TBC1D31: variants seen among roughly 807,000 people sequenced by gnomAD.
The protein encoded by TBC1D31 is TBC1 domain family member 31.
A neutral mutation model predicts 132.9 loss-of-function variants in TBC1D31; 99 were observed. The ratio of observed to expected loss-of-function variants is 0.74; its 90% confidence interval spans 0.63 to 0.88. The LOEUF (loss-of-function observed/expected upper bound fraction) is 0.88, where lower values mean the gene tolerates loss of function less well. Among genes scored for constraint, TBC1D31 ranks in the 40% least tolerant of loss-of-function variants. The pLI is 0.00. For synonymous variants in TBC1D31, 385 were observed against 419.4 expected, an observed-to-expected ratio of 0.92 and a Z score of 1.00; for missense variants, 1,134 against 1,256.6, an observed-to-expected ratio of 0.90 and a Z score of 1.48.
chr8:123,138,411 T>C (rs1821306931), intron 17 of TBC1D31, among the ~76,000 whole-genome samples: 1 of 152,176 alleles, frequency 6.6e-6, no homozygotes, highest in South Asian at 2.1e-4. Context: ...ATGCTGTCTA[T>C]AGATGATTAG....
chr8:123,084,949 C>T (rs1371928169), intron 4 of TBC1D31, among the ~76,000 whole-genome samples: 2 of 152,156 alleles, frequency 1.3e-5, no homozygotes, highest in East Asian at 1.9e-4. Context: ...ACCACCATGC[C>T]CAGCTAATTT....
intron 17 of TBC1D31, among the ~76,000 whole-genome samples, chr8:123,135,486 A>T (rs1563746341): frequency 6.6e-6 from 1 of 152,196 alleles, no homozygotes; most frequent in Non-Finnish European, 1.5e-5. Flanking sequence ...CTGTGGTGCC[A>T]GCTATTCAGG....
intron 8 of TBC1D31, 74 bp from the exon 9 acceptor site, chr8:123,109,243 G>A: frequency 9.4e-7 from 1 of 1,064,280 alleles, no homozygotes; most frequent in Non-Finnish European, 1.4e-6. Context: ...AAGTCACTGT[G>A]GACTAGATTA....
intron 10 of TBC1D31, among the ~76,000 whole-genome samples, chr8:123,119,550 G>T (rs539649124): frequency 1.3e-5 from 2 of 152,134 alleles, no homozygotes; most frequent in East Asian, 3.9e-4. Flanking sequence ...GTCTCTACCC[G>T]CAAGAAAGAT....
At position 123,130,335 on chromosome 8, in the gene TBC1D31, TTTATTATTC is replaced by T. The variant is rs1371171663; in HGVS notation, c.2406+6_2406+14del. On this transcript the variant is annotated splice_donor_5th_base_variant and intron_variant, in intron 16 of 21. Coordinates refer to ENST00000287380, the MANE Select transcript of TBC1D31 (RefSeq NM_145647.4). Reference sequence around the variant, plus strand: ...CTGGATGATGAAATTGGGAGAAAGGTTTATTATTCTTAACTTAGTTCTCATACATCATCT... The same window carrying T: ...CTGGATGATGAAATTGGGAGAAAGGTTTAACTTAGTTCTCATACATCATCT... 6.2e-7 allele frequency: 1 copy of T among 1,608,064 alleles called. No individual in the cohort carries two copies. The highest frequency in any genetic ancestry group is 1.3e-5 in the African/African-American group (1 of 74,758).
At position 123,142,514 on chromosome 8, in the gene TBC1D31, A is replaced by T. The variant is rs1419814498; in HGVS notation, c.2835+58A>T. 6.9e-3 allele frequency: 8,172 copies of T among 1,176,988 alleles called. 19 individuals carry two copies. Among genetic ancestry groups the T allele is most frequent in the Middle Eastern group, 0.013 (44 of 3,478 alleles). 72.9% of individuals were successfully genotyped at this position (1,176,988 alleles called of 1,614,324 possible). On this transcript the variant is annotated intron_variant, in intron 19 of 21. Transcript: ENST00000287380. ...AAGCATTGATTTTTTTTTTTTTTTT[A>T]AAAGACAGAGTCTCACTTTGTTGTA...
intron 13 of TBC1D31, 107 bp from the exon 14 acceptor site, chr8:123,128,174 T>A (rs200199314): frequency 3.9e-5 from 14 of 356,492 alleles, no homozygotes; most frequent in South Asian, 1.2e-4. Flanking sequence ...TGCAAAAAAA[T>A]ATATATTCTT....
rs145771929 is a variant in TBC1D31 at position 123,099,188 on chromosome 8, C to T, written c.832-1619C>T. 3.5e-3 allele frequency among the ~76,000 whole-genome samples: 537 copies of T among 152,234 alleles called. 10 individuals carry two copies. The highest frequency in any genetic ancestry group is 0.012 in the African/African-American group (508 of 41,536). Reference sequence around the variant, plus strand: ...AGGCTGGAGAGCAGTGGCATGATCTCGGCTCACTGCAAGCTCCGCCTCCCA... The same window carrying T: ...AGGCTGGAGAGCAGTGGCATGATCTTGGCTCACTGCAAGCTCCGCCTCCCA... On this transcript the variant is annotated intron_variant, in intron 6 of 21. Transcript: ENST00000287380.
chr8:123,075,505 C>G (rs908784083), intron 1 of TBC1D31, among the ~76,000 whole-genome samples: 4 of 151,984 alleles, frequency 2.6e-5, no homozygotes, highest in African/African-American at 9.7e-5. Context: ...AGTTTGAGAC[C>G]AGCCTGGCCA....
intron 20 of TBC1D31, among the ~76,000 whole-genome samples, chr8:123,148,126 CAAA>C (rs768554132): frequency 1.7e-5 from 2 of 115,992 alleles, no homozygotes. Flanking sequence ...GACTCCATCT[CAAA>C]AAAAAAAAAA....
Position 123,115,467 on chromosome 8 carries a change from G to T in TBC1D31, c.1437-4588G>T, listed in dbSNP as rs371888595. ...CGAATAATAAAAAATGTCTGACATA[G>T]CTTATTAACTCCATTAACTATGTTA... is the stretch of plus-strand genomic sequence containing the variant. On this transcript the variant is annotated intron_variant, in intron 10 of 21. Coordinates refer to ENST00000287380, the MANE Select transcript of TBC1D31 (RefSeq NM_145647.4). Among the ~76,000 whole-genome samples, 5 of 152,278 alleles carry T rather than the reference G, an allele frequency of 3.3e-5. No homozygotes were observed. The East Asian group carries it at 7.7e-4, about 23-fold the overall frequency.
chr8:123,138,870 C>A (rs762067886), intron 17 of TBC1D31, among the ~76,000 whole-genome samples: 1 of 152,054 alleles, frequency 6.6e-6, no homozygotes, highest in Non-Finnish European at 1.5e-5. Context: ...AGTGCAGTGG[C>A]GTGATCTCAG....
intron 17 of TBC1D31, among the ~76,000 whole-genome samples, chr8:123,137,110 T>G (rs1045925538): frequency 3.9e-5 from 6 of 152,184 alleles, no homozygotes; most frequent in Admixed American, 3.3e-4. Flanking sequence ...TTGAATCAAA[T>G]TATTGTTCAA....
In TBC1D31 at chr8:123,097,281, G is replaced by A. The variant is rs1342117194; in HGVS notation, c.672-1G>A. The stretch of plus-strand genomic sequence containing the variant: ...TCTTTCTCACTTTTTTGTTTATATA[G>A]AGATGGCCGAATCCTGGCTGCTGGA... On this transcript the variant is annotated splice_acceptor_variant, in intron 5 of 21. Transcript: ENST00000287380. LOFTEE classifies it high-confidence loss of function. The A allele has an allele frequency of 1.9e-6, 3 of 1,613,704 alleles. No individual in the cohort carries two copies. In the East Asian group the frequency reaches 6.7e-5, roughly 36 times the overall value.
At chr8:123,081,284 G>A (rs16897940) in intron 2 of TBC1D31, among the ~76,000 whole-genome samples, 2,953 of 151,874 alleles carry the variant, frequency 0.019, 73 homozygotes, top group African/African-American at 0.067. Flanking sequence ...TACTCTTTTC[G>A]ATAATCACAT....
intron 1 of TBC1D31, chr8:123,074,945 AG>A (rs1300116655): frequency 1.3e-5 from 2 of 152,256 alleles, no homozygotes; most frequent in African/African-American, 2.4e-5. Flanking sequence ...AGAATCTGAA[AG>A]GAAGTTGCTC....
intron 20 of TBC1D31, among the ~76,000 whole-genome samples, chr8:123,149,234 C>CA (rs1459247282): frequency 9.8e-6 from 1 of 101,994 alleles, no homozygotes; most frequent in East Asian, 3.0e-4. Context: ...ATTCCAGTCC[C>CA]CCACCAGTTC....
intron 18 of TBC1D31, among the ~76,000 whole-genome samples, chr8:123,141,231 A>C (rs1046721170): frequency 6.6e-6 from 1 of 152,246 alleles, no homozygotes; most frequent in African/African-American, 2.4e-5. Flanking sequence ...TAGTGACTTT[A>C]CAAATTTTAC....
At chr8:123,081,528 CAAT>C (rs1387395719) in intron 2 of TBC1D31, among the ~76,000 whole-genome samples, 2 of 152,040 alleles carry the variant, frequency 1.3e-5, no homozygotes, top group Admixed American at 6.5e-5. Context: ...TAAAATATCT[CAAT>C]AATTTTTAAT....
Sources: gnomAD v4.1 joint callset for allele counts (sites outside exome capture counted in the v4.1 genomes callset) on GRCh38, gnomAD v4.1.1 for gene constraint, MANE v1.5 for transcripts, NCBI Gene and HGNC (gene_info 2026-07-23, HGNC 2026-07-21) for gene names.